POLE3: variants seen among roughly 807,000 people sequenced by gnomAD.
POLE3 encodes DNA polymerase epsilon 3, accessory subunit, also known as DNA polymerase epsilon subunit 3.
Under a neutral mutation model 16.1 loss-of-function variants are expected in POLE3, and 10 were observed. The observed-to-expected ratio is 0.62, with a 90% CI of 0.38 to 1.05. The LOEUF is 1.05. Ranked by LOEUF, POLE3 falls within the 50% of genes least tolerant of loss-of-function variation. The pLI is 0.01. For missense variants in POLE3, 169 were observed against 185.0 expected (o/e 0.91, Z 0.50); for synonymous variants, 83 against 71.0 (o/e 1.17, Z -0.85).
intron 1 of POLE3, 39 bp downstream of exon 1, chr9:113,410,578 C>A (rs564041448): frequency 7.7e-6 from 4 of 521,250 alleles, no homozygotes; most frequent in Non-Finnish European, 1.0e-5. Flanking sequence ...AGGTCCATTT[C>A]TCTGCTTCTC....
At chr9:113,409,336 G>C (rs1307747050) in intron 4 of POLE3, among the ~76,000 whole-genome samples, 1 of 147,472 alleles carries the variant, frequency 6.8e-6, no homozygotes, top group Non-Finnish European at 1.5e-5. Flanking sequence ...CTCCAGCTTG[G>C]GTGACAGAGC....
chr9:113,409,665 G>A lies in POLE3; in HGVS notation c.216C>T (p.Ala72=), dbSNP rs1292654853. The part of the protein sequence containing the change: ...KTLNASDVLS[A]MEEMEFQRFV... ...ACCGCTGGAACTCCATCTCTTCCAT[G>A]GCTGAGAGCACATCACTGGCATTCA... The change falls in exon 4 of 5, where the codon GCC becomes GCT. Residue 72 remains alanine, a synonymous_variant. Transcript: ENST00000374171. 5 of 1,613,690 alleles carry A rather than the reference G, an allele frequency of 3.1e-6. No homozygotes were observed. The highest frequency in any genetic ancestry group is 2.2e-5 in the East Asian group (1 of 44,892).
intron 4 of POLE3, among the ~76,000 whole-genome samples, chr9:113,409,314 C>T (rs1828014171): frequency 6.8e-6 from 1 of 147,612 alleles, no homozygotes; most frequent in Non-Finnish European, 1.5e-5. Context: ...GAGCTGAGAT[C>T]CCATCACTGC....
chr9:113,409,776 G>C, intron 3 of POLE3, 48 bp from the exon 4 acceptor site: 1 of 1,288,768 alleles, frequency 7.8e-7, no homozygotes, highest in African/African-American at 1.5e-5. Flanking sequence ...TGTAAGGCGT[G>C]AGTGGGAAAA....
At position 113,410,350 on chromosome 9, in the gene POLE3, C is replaced by T. The variant is rs1828076131; in HGVS notation, c.-57G>A. The T allele has an allele frequency of 7.9e-6, 12 of 1,519,484 alleles. No homozygotes were observed. Among genetic ancestry groups the T allele is most frequent in the Non-Finnish European group, 1.1e-5 (12 of 1,107,392 alleles). The allele number at this position is 1,519,484 out of a possible 1,614,324, so 94.1% of individuals were successfully genotyped here. A position where few individuals can be genotyped will look rare whatever the true frequency, so the allele number is the denominator to read the frequency against. ...CTCCGCTTCAGGGAGCTACTGCGTC[C>T]GGACTTCCCGCGTCGCTACGGTCTG... On this transcript the variant is annotated 5_prime_UTR_variant, in exon 2 of 5. Coordinates refer to ENST00000374171, the MANE Select transcript of POLE3 (RefSeq NM_017443.5).
At position 113,410,154 on chromosome 9, in the gene POLE3, G is replaced by A. The variant is rs1299223971; in HGVS notation, c.67-14C>T. 1 of 1,603,448 alleles carries A rather than the reference G, an allele frequency of 6.2e-7. No homozygotes were observed. The highest frequency in any genetic ancestry group is 1.1e-5 in the South Asian group (1 of 89,410). ...ACCGTCCGGGAGCTGCGAGGAGACCGGGGGTGAGCAAAGCTGCCGTTCCAG... is the reference window on the plus strand; with the variant it reads ...ACCGTCCGGGAGCTGCGAGGAGACCAGGGGTGAGCAAAGCTGCCGTTCCAG... On this transcript the variant is annotated splice_polypyrimidine_tract_variant and intron_variant, in intron 2 of 4. Transcript: ENST00000374171.
chr9:113,409,359 CAAAAAAA>C (rs35481754), intron 4 of POLE3, among the ~76,000 whole-genome samples: 3 of 89,504 alleles, frequency 3.4e-5, no homozygotes, highest in African/African-American at 1.2e-4. Context: ...GACTCCGTCT[CAAAAAAA>C]AAAAAAAAAA....
Position 113,410,148 on chromosome 9 carries a change from G to A in POLE3, c.67-8C>T, listed in dbSNP as rs368192546. Reference sequence around the variant, plus strand: ...GTTGACACCGTCCGGGAGCTGCGAGGAGACCGGGGGTGAGCAAAGCTGCCG... The same window carrying A: ...GTTGACACCGTCCGGGAGCTGCGAGAAGACCGGGGGTGAGCAAAGCTGCCG... On this transcript the variant is annotated splice_polypyrimidine_tract_variant and splice_region_variant and intron_variant, in intron 2 of 4. Coordinates refer to ENST00000374171, the MANE Select transcript of POLE3 (RefSeq NM_017443.5). 6.9e-6 allele frequency: 11 copies of A among 1,602,248 alleles called. No homozygotes were observed. The highest frequency in any genetic ancestry group is 6.7e-5 in the East Asian group (3 of 44,478).
chr9:113,410,344 T>C lies in POLE3; in HGVS notation c.-51A>G. On this transcript the variant is annotated 5_prime_UTR_variant, in exon 2 of 5. Transcript: ENST00000374171. The stretch of plus-strand genomic sequence containing the variant: ...CTTCGCCTCCGCTTCAGGGAGCTAC[T>C]GCGTCCGGACTTCCCGCGTCGCTAC... 1 of 1,554,882 alleles carries C rather than the reference T, an allele frequency of 6.4e-7. No individual in the cohort carries two copies. The highest frequency in any genetic ancestry group is 1.1e-5 in the South Asian group (1 of 87,932).
intron 3 of POLE3, 34 bp downstream of exon 3, chr9:113,410,020 TC>T: frequency 6.6e-7 from 1 of 1,516,542 alleles, no homozygotes; most frequent in Non-Finnish European, 8.9e-7. Context: ...CAGCCAGGTA[TC>T]CCCGCGCCTC....
chr9:113,408,723 C>A lies in POLE3; in HGVS notation c.*88G>T. The A allele has an allele frequency of 3.6e-6, 4 of 1,123,080 alleles. No individual in the cohort carries two copies. Among genetic ancestry groups the A allele is most frequent in the Non-Finnish European group, 5.2e-6 (4 of 764,410 alleles). The allele number at this position is 1,123,080 out of a possible 1,614,324, so 69.6% of individuals were successfully genotyped here. On this transcript the variant is annotated 3_prime_UTR_variant, in exon 5 of 5. Transcript: ENST00000374171. ...TCAGGCACTTTTGCCTGAGACTACT[C>A]TGCCCAGCATGGAAAAGCTTCACAG...
In POLE3 at chr9:113,410,210, C is replaced by G. The variant is rs187173294; in HGVS notation, c.66+18G>C. 54 of 1,612,960 alleles carry G rather than the reference C, an allele frequency of 3.3e-5. No homozygotes were observed. Among genetic ancestry groups the G allele is most frequent in the East Asian group, 2.9e-4 (13 of 44,858 alleles). On this transcript the variant is annotated intron_variant, in intron 2 of 4. Coordinates refer to ENST00000374171, the MANE Select transcript of POLE3 (RefSeq NM_017443.5). ...GCTTCCCTCCTGCCCGTTCGTCCGC[C>G]CCCCCCGAGCTGCTCACCGCCTCCT...
At chr9:113,409,858 C>A in intron 3 of POLE3, 130 bp from the exon 4 acceptor site, 1 of 767,830 alleles carries the variant, frequency 1.3e-6, no homozygotes, top group South Asian at 1.6e-5. Context: ...GGGATAAGTC[C>A]TTCCCTTCTC....
chr9:113,410,527 G>C, intron 1 of POLE3, 90 bp downstream of exon 1: 2 of 595,540 alleles, frequency 3.4e-6, no homozygotes, highest in South Asian at 2.0e-5. Flanking sequence ...GGCCCGCCAA[G>C]GCTTCCATCC....
chr9:113,410,187 T>C (rs1377902569), intron 2 of POLE3, 41 bp downstream of exon 2: 1 of 1,610,768 alleles, frequency 6.2e-7, no homozygotes, highest in Admixed American at 1.7e-5. Context: ...CAGCACCTGC[T>C]TCCCTCCTGC....
At chr9:113,409,482 G>A (rs1828025091) in intron 4 of POLE3, 128 bp downstream of exon 4, 1 of 664,194 alleles carries the variant, frequency 1.5e-6, no homozygotes, top group Non-Finnish European at 2.7e-6. Flanking sequence ...ACCGAACTGG[G>A]TCGAGTCACA....
At chr9:113,410,694 G>C (rs1176724647), upstream of POLE3, 1 of 247,158 alleles carries the variant, frequency 4.0e-6, no homozygotes, top group Non-Finnish European at 8.1e-6. Flanking sequence ...GCGCGGCCGG[G>C]CGCAGCGCGT....
At chr9:113,409,846 C>T in intron 3 of POLE3, 118 bp from the exon 4 acceptor site, 2 of 809,060 alleles carry the variant, frequency 2.5e-6, no homozygotes, top group South Asian at 3.0e-5. Flanking sequence ...TTTGGTGTGA[C>T]AGGGATAAGT....
chr9:113,409,683 G>A lies in POLE3; in HGVS notation c.198C>T (p.Ala66=), dbSNP rs1488843829. ...AMKGKRKTLN[A]SDVLSAMEEM... ...CTTCCATGGCTGAGAGCACATCACT[G>A]GCATTCAGCGTCTTCCGCTTTCCTT... is the stretch of plus-strand genomic sequence containing the variant. The change falls in exon 4 of 5, where the codon GCC becomes GCT. Residue 66 remains alanine, a synonymous_variant. Coordinates refer to ENST00000374171, the MANE Select transcript of POLE3 (RefSeq NM_017443.5). 1 of 1,613,706 alleles carries A rather than the reference G, an allele frequency of 6.2e-7. No homozygotes were observed.
Sources: allele counts gnomAD v4.1 joint callset (sites outside exome capture counted in the v4.1 genomes callset), GRCh38; gene constraint gnomAD v4.1.1; transcripts MANE v1.5; gene names NCBI Gene and HGNC (gene_info 2026-07-23, HGNC 2026-07-21).